Variants in CNR2 observed in about 807,000 individuals in gnomAD.
CNR2 encodes the protein cannabinoid receptor 2.
For missense variants in CNR2, 379 were observed against 439.9 expected, an observed-to-expected ratio of 0.86 and a Z score of 1.24; for synonymous variants, 172 against 182.2, an observed-to-expected ratio of 0.94 and a Z score of 0.45.
At chr1:23,876,699 A>G (rs995706324) in intron 1 of CNR2, among the ~76,000 whole-genome samples, 6 of 151,738 alleles carry the variant, frequency 4.0e-5, no homozygotes, top group Non-Finnish European at 7.4e-5. Context: ...GCTGGGCGTG[A>G]TGGCACGTGC....
Position 23,874,986 on chromosome 1 carries a change from T to A in CNR2, c.632A>T (p.His211Leu), listed in dbSNP as rs753400744. Residue 211 changes from histidine to leucine, a missense_variant, in exon 2 of 2, where the codon CAT becomes CTT. Coordinates refer to ENST00000374472, the MANE Select transcript of CNR2 (RefSeq NM_001841.3). ...LFSGIIYTYG[H>L]VLWKAHQHVA... ...ATGCTGATGGGCCTTCCAGAGAACA[T>A]GCCCATAGGTGTAGATGATTCCGGA... 1.1e-5 allele frequency: 18 copies of A among 1,609,688 alleles called. No homozygotes were observed. Among genetic ancestry groups the A allele is most frequent in the Non-Finnish European group, 1.4e-5 (17 of 1,177,788 alleles).
chr1:23,902,471 C>A, intron 1 of CNR2: 1 of 1,601,326 alleles, frequency 6.2e-7, no homozygotes, highest in Admixed American at 1.7e-5. Context: ...TGGCCAGCAC[C>A]GTATCCGCTT....
chr1:23,890,693 C>T (rs1277713037), intron 1 of CNR2, among the ~76,000 whole-genome samples: 3 of 150,428 alleles, frequency 2.0e-5, no homozygotes, highest in Non-Finnish European at 4.4e-5. Context: ...TGCAGTGAGC[C>T]GAGATCGCGC....
At chr1:23,906,968 C>A (rs887631917) in intron 1 of CNR2, 1 of 151,796 alleles carries the variant, frequency 6.6e-6, no homozygotes, top group Non-Finnish European at 1.5e-5. Context: ...AGGTGTAGAT[C>A]TCTTTTATAC....
chr1:23,889,252 C>T lies in CNR2; in HGVS notation c.-45-13590G>A, dbSNP rs538502513. Among the ~76,000 whole-genome samples, 3 of 152,198 alleles carry T rather than the reference C, an allele frequency of 2.0e-5. No individual in the cohort carries two copies. The South Asian group carries it at 6.2e-4, about 32-fold the overall frequency. On this transcript the variant is annotated intron_variant, in intron 1 of 1. Coordinates refer to ENST00000374472, the MANE Select transcript of CNR2 (RefSeq NM_001841.3). ...CGTGAAGTGAAAGAAGCCACAGTAG[C>T]GGCTGGTCCCACGTTGCTGCTGGGT...
intron 1 of CNR2, among the ~76,000 whole-genome samples, chr1:23,876,384 A>G (rs368710649): frequency 6.6e-6 from 1 of 151,762 alleles, no homozygotes; most frequent in East Asian, 2.0e-4. Context: ...TTGTACTTTT[A>G]GTAGAGACCG....
At chr1:23,882,684 A>G (rs965460079) in intron 1 of CNR2, among the ~76,000 whole-genome samples, 1 of 148,162 alleles carries the variant, frequency 6.7e-6, no homozygotes, top group African/African-American at 2.5e-5. Context: ...AGCCCGCATG[A>G]TGGCTGGTGC....
chr1:23,912,648 C>T (rs1361600763), intron 1 of CNR2, among the ~76,000 whole-genome samples: 1 of 152,204 alleles, frequency 6.6e-6, no homozygotes, highest in East Asian at 1.9e-4. Flanking sequence ...GCTCTTAGGG[C>T]AGCGCCTGGC....
At chr1:23,879,967 C>T (rs765082557) in intron 1 of CNR2, among the ~76,000 whole-genome samples, 2 of 152,156 alleles carry the variant, frequency 1.3e-5, no homozygotes, top group Non-Finnish European at 2.9e-5. Context: ...CCATGATTCC[C>T]TTGGTGACCC....
intron 1 of CNR2, among the ~76,000 whole-genome samples, chr1:23,889,435 G>A (rs1245654274): frequency 6.6e-6 from 1 of 152,140 alleles, no homozygotes; most frequent in African/African-American, 2.4e-5. Context: ...TCCTGCTACT[G>A]AGTGACTTTA....
chr1:23,878,527 G>A (rs1639927595), intron 1 of CNR2, among the ~76,000 whole-genome samples: 1 of 151,660 alleles, frequency 6.6e-6, no homozygotes, highest in South Asian at 2.1e-4. Context: ...CTACAGGTGT[G>A]CACCACCATG....
At chr1:23,899,385 C>T (rs956949600) in intron 1 of CNR2, among the ~76,000 whole-genome samples, 2 of 2,914 alleles carry the variant, frequency 6.9e-4, no homozygotes, top group Non-Finnish European at 5.1e-3. Flanking sequence ...TGTCCTTGTT[C>T]ATTCCTGGGC....
chr1:23,904,754 T>G (rs1640460201), intron 1 of CNR2, among the ~76,000 whole-genome samples: 1 of 152,156 alleles, frequency 6.6e-6, no homozygotes, highest in Non-Finnish European at 1.5e-5. Flanking sequence ...AAGGAAACTT[T>G]CATACAAAGT....
chr1:23,889,827 C>T (rs1306552186), intron 1 of CNR2, among the ~76,000 whole-genome samples: 1 of 152,206 alleles, frequency 6.6e-6, no homozygotes, highest in Non-Finnish European at 1.5e-5. Context: ...CTGTTTCATT[C>T]ACTTGTAAAC....
chr1:23,903,338 G>A (rs1640435104), intron 1 of CNR2, among the ~76,000 whole-genome samples: 1 of 152,134 alleles, frequency 6.6e-6, no homozygotes, highest in African/African-American at 2.4e-5. Context: ...AATTTGGGAG[G>A]CTGAGGTGGG....
At chr1:23,885,897 GGC>G (rs556859990) in intron 1 of CNR2, among the ~76,000 whole-genome samples, 117 of 12,302 alleles carry the variant, frequency 9.5e-3, no homozygotes, top group Admixed American at 0.033. Flanking sequence ...AAAGGGTGGC[GGC>G]GGGGGGGTGG....
intron 1 of CNR2, among the ~76,000 whole-genome samples, chr1:23,902,980 C>CCGCGCCGGGGCCTCGGGAG (rs1326599873): frequency 1.3e-5 from 2 of 151,674 alleles, no homozygotes; most frequent in African/African-American, 4.8e-5. Flanking sequence ...CGCCCTCGCG[C>CCGCGCCGGGGCCTCGGGAG]CGCGCCGGGG....
intron 1 of CNR2, among the ~76,000 whole-genome samples, chr1:23,885,972 A>C (rs4648920): frequency 6.6e-6 from 1 of 150,866 alleles, no homozygotes; most frequent in Non-Finnish European, 1.5e-5. Flanking sequence ...GGCAGATCAC[A>C]AGGTCAGGAG....
chr1:23,902,485 G>C, intron 1 of CNR2: 1 of 1,604,918 alleles, frequency 6.2e-7, no homozygotes, highest in South Asian at 1.1e-5. Flanking sequence ...TCCGCTTCCA[G>C]ATCGATCTCA....
Sources: gnomAD v4.1 joint callset for allele counts (sites outside exome capture counted in the v4.1 genomes callset) on GRCh38, gnomAD v4.1.1 for gene constraint, MANE v1.5 for transcripts, NCBI Gene and HGNC (gene_info 2026-07-23, HGNC 2026-07-21) for gene names.